GRXCR1: variants seen among roughly 807,000 people sequenced by gnomAD.
GRXCR1 encodes glutaredoxin domain-containing cysteine-rich protein 1.
In GRXCR1, 27 loss-of-function variants were observed where a neutral mutation model predicts 27.3. The ratio of observed to expected loss-of-function variants is 0.99; its 90% CI spans 0.73 to 1.37. The LOEUF is 1.37. Ranked by LOEUF, GRXCR1 falls within the 40% of genes most tolerant of loss-of-function variation. The pLI is 0.00. For synonymous variants in GRXCR1, 122 were observed against 131.1 expected (o/e 0.93, Z 0.47); for missense variants, 379 against 354.4 (o/e 1.07, Z -0.56).
At chr4:42,994,463 T>C (rs1712083611) in intron 2 of GRXCR1, among the ~76,000 whole-genome samples, 2 of 152,170 alleles carry the variant, frequency 1.3e-5, no homozygotes, top group Admixed American at 1.3e-4. Flanking sequence ...CTGCAGCTTC[T>C]ATAGGAGTAA....
At chr4:43,018,500 AGTT>A (rs1266251104) in intron 2 of GRXCR1, among the ~76,000 whole-genome samples, 1 of 152,152 alleles carries the variant, frequency 6.6e-6, no homozygotes, top group Non-Finnish European at 1.5e-5. Flanking sequence ...ATGCTGCAAG[AGTT>A]GTTTGTATTT....
intron 3 of GRXCR1, among the ~76,000 whole-genome samples, chr4:43,020,812 G>T (rs1713070043): frequency 6.6e-6 from 1 of 152,130 alleles, no homozygotes; most frequent in Non-Finnish European, 1.5e-5. Context: ...AAAGATTAAA[G>T]AAAAACTTGT....
At chr4:42,934,819 C>T (rs1011138844) in intron 1 of GRXCR1, among the ~76,000 whole-genome samples, 5 of 151,890 alleles carry the variant, frequency 3.3e-5, no homozygotes, top group Non-Finnish European at 4.4e-5. Flanking sequence ...TTGGTGATGA[C>T]GAGGCCATGT....
At chr4:42,975,136 A>G (rs1748483549) in intron 2 of GRXCR1, among the ~76,000 whole-genome samples, 2 of 152,172 alleles carry the variant, frequency 1.3e-5, no homozygotes, top group South Asian at 2.1e-4. Flanking sequence ...ATGGAGGTGC[A>G]CAGGCATTCA....
At chr4:42,960,006 C>T (rs1748095755) in intron 1 of GRXCR1, among the ~76,000 whole-genome samples, 1 of 151,946 alleles carries the variant, frequency 6.6e-6, no homozygotes, top group Non-Finnish European at 1.5e-5. Flanking sequence ...TGATCTCATA[C>T]ATTAGATGAC....
chr4:43,002,014 A>G (rs1712382260), intron 2 of GRXCR1, among the ~76,000 whole-genome samples: 1 of 152,264 alleles, frequency 6.6e-6, no homozygotes, highest in Non-Finnish European at 1.5e-5. Flanking sequence ...AAAGAATAAC[A>G]AGGCAGCATT....
chr4:43,020,493 T>G (rs1046267201), intron 3 of GRXCR1, 74 bp downstream of exon 3: 1 of 944,910 alleles, frequency 1.1e-6, no homozygotes, highest in African/African-American at 1.6e-5. Flanking sequence ...TGAGTTTTCC[T>G]AATTGAATTC....
At chr4:42,930,562 C>T (rs958633526) in intron 1 of GRXCR1, among the ~76,000 whole-genome samples, 2 of 151,860 alleles carry the variant, frequency 1.3e-5, no homozygotes, top group Non-Finnish European at 2.9e-5. Flanking sequence ...AATATTGACT[C>T]CCATTGATTG....
chr4:42,908,194 G>A (rs1192262745), intron 1 of GRXCR1, among the ~76,000 whole-genome samples: 1 of 152,176 alleles, frequency 6.6e-6, no homozygotes, highest in Non-Finnish European at 1.5e-5. Flanking sequence ...ACCTGCTTGA[G>A]CCTGAGCTTA....
chr4:42,895,304 C>A (rs1311153638), intron 1 of GRXCR1, among the ~76,000 whole-genome samples: 2 of 152,082 alleles, frequency 1.3e-5, no homozygotes, highest in African/African-American at 4.8e-5. Context: ...AATTTAGCCC[C>A]ATTCCACGTA....
chr4:43,014,239 A>G (rs1356409583), intron 2 of GRXCR1, among the ~76,000 whole-genome samples: 1 of 152,094 alleles, frequency 6.6e-6, no homozygotes, highest in Non-Finnish European at 1.5e-5. Context: ...AGTGTTTGGC[A>G]CAGAACTCCA....
intron 1 of GRXCR1, among the ~76,000 whole-genome samples, chr4:42,906,324 T>C (rs1429220189): frequency 1.3e-5 from 2 of 152,206 alleles, no homozygotes; most frequent in Non-Finnish European, 2.9e-5. Flanking sequence ...TCACCCAAGC[T>C]GGGCAGTCTA....
intron 1 of GRXCR1, among the ~76,000 whole-genome samples, chr4:42,916,056 T>C (rs1188334422): frequency 6.6e-6 from 1 of 150,626 alleles, no homozygotes; most frequent in Non-Finnish European, 1.5e-5. Context: ...AAATTCCGTA[T>C]GTTTGAAGAT....
At chr4:42,912,213 C>T (rs188764717) in intron 1 of GRXCR1, among the ~76,000 whole-genome samples, 4 of 152,126 alleles carry the variant, frequency 2.6e-5, no homozygotes, top group East Asian at 1.9e-4. Flanking sequence ...GGAGATTATC[C>T]GGCATAAATG....
chr4:42,966,996 T>G (rs1299028217), intron 2 of GRXCR1, among the ~76,000 whole-genome samples: 1 of 152,098 alleles, frequency 6.6e-6, no homozygotes, highest in Admixed American at 6.6e-5. Flanking sequence ...GTGGCTTGTC[T>G]TTTCGTTCTC....
intron 2 of GRXCR1, among the ~76,000 whole-genome samples, chr4:42,972,048 C>T (rs1260143592): frequency 6.6e-6 from 1 of 152,100 alleles, no homozygotes; most frequent in East Asian, 1.9e-4. Context: ...AGGTGTGAGC[C>T]ACCATGTCTG....
At chr4:42,998,311 AATAAAG>A (rs1217576387) in intron 2 of GRXCR1, among the ~76,000 whole-genome samples, 1 of 152,204 alleles carries the variant, frequency 6.6e-6, no homozygotes, top group Admixed American at 6.5e-5. Context: ...CCCCTTTCTT[AATAAAG>A]ATAAACTTGA....
chr4:42,931,722 G>T (rs1248383964), intron 1 of GRXCR1, among the ~76,000 whole-genome samples: 1 of 151,842 alleles, frequency 6.6e-6, no homozygotes, highest in Non-Finnish European at 1.5e-5. Context: ...TATCATTTTT[G>T]TGTGTATGGT....
At chr4:42,995,255 A>G (rs983187590) in intron 2 of GRXCR1, among the ~76,000 whole-genome samples, 6 of 152,156 alleles carry the variant, frequency 3.9e-5, no homozygotes, top group African/African-American at 1.4e-4. Flanking sequence ...AAAAAATCCT[A>G]TAGATGGGAG....
Sources: allele counts gnomAD v4.1 joint callset (sites outside exome capture counted in the v4.1 genomes callset), GRCh38; gene constraint gnomAD v4.1.1; transcripts MANE v1.5; gene names NCBI Gene and HGNC (gene_info 2026-07-23, HGNC 2026-07-21).